Variants in LDAH observed in about 807,000 individuals in gnomAD.
LDAH encodes the protein lipid droplet-associated hydrolase.
In LDAH, 26 loss-of-function variants were observed where a neutral mutation model predicts 29.6. That is an observed-to-expected ratio of 0.88 (90% CI 0.64 to 1.22). LDAH has a LOEUF of 1.22. LDAH is among the 50% of genes most tolerant of loss of function. LDAH has a pLI of 0.00. For missense variants in LDAH, 344 were observed against 387.3 expected (o/e 0.89, Z 0.94); for synonymous variants, 117 against 133.0 (o/e 0.88, Z 0.83).
chr2:20,693,369 T>A (rs1335641692), intron 6 of LDAH, among the ~76,000 whole-genome samples: 1 of 152,254 alleles, frequency 6.6e-6, no homozygotes, highest in Non-Finnish European at 1.5e-5. Context: ...AAGTTGTTTT[T>A]GACATAGGCT....
At chr2:20,697,245 G>C (rs868599068) in intron 6 of LDAH, among the ~76,000 whole-genome samples, 5 of 152,104 alleles carry the variant, frequency 3.3e-5, no homozygotes, top group Non-Finnish European at 7.4e-5. Flanking sequence ...CAGATACAAA[G>C]AAATAATCTT....
At position 20,790,680 on chromosome 2, in the gene LDAH, T is replaced by C. The variant is rs560386496; in HGVS notation, c.155-282A>G. Among the ~76,000 whole-genome samples, 9 of 152,258 alleles carry C rather than the reference T, an allele frequency of 5.9e-5. No homozygotes were observed. In the South Asian group the frequency reaches 1.9e-3, roughly 32 times the overall value. ...GGTCATGCTCAGTTAACAAGATGCA[T>C]GAAAACCAGAAAAACAAGCCAGCCA... is the stretch of plus-strand genomic sequence containing the variant. On this transcript the variant is annotated intron_variant, in intron 2 of 6. Transcript: ENST00000237822.
In LDAH at chr2:20,758,626, G is replaced by A. The variant is rs146319216; in HGVS notation, c.468+16184C>T. 5.7e-3 allele frequency among the ~76,000 whole-genome samples: 864 copies of A among 152,262 alleles called. 8 individuals carry two copies. The highest frequency in any genetic ancestry group is 0.02 in the African/African-American group (825 of 41,560). ...ATAGGGTAGAATATAGAAGAATTAT[G>A]AGAAAAAGTGTTACCAAAGGAAGGA... is the stretch of plus-strand genomic sequence containing the variant. On this transcript the variant is annotated intron_variant, in intron 4 of 6. Transcript: ENST00000237822.
chr2:20,793,673 A>C (rs1020492028), intron 2 of LDAH, among the ~76,000 whole-genome samples: 4 of 152,214 alleles, frequency 2.6e-5, no homozygotes, highest in African/African-American at 9.6e-5. Context: ...GGGTTAAGGC[A>C]TAATCAGATT....
intron 3 of LDAH, among the ~76,000 whole-genome samples, chr2:20,783,364 T>C (rs1227627374): frequency 6.6e-6 from 1 of 152,214 alleles, no homozygotes; most frequent in Non-Finnish European, 1.5e-5. Flanking sequence ...ATATCTTTAC[T>C]GCCTTTCTGT....
At chr2:20,756,771 G>GA (rs1000202200) in intron 4 of LDAH, among the ~76,000 whole-genome samples, 4 of 151,978 alleles carry the variant, frequency 2.6e-5, no homozygotes, top group African/African-American at 4.8e-5. Context: ...AACAAGTAGA[G>GA]AAAAAAATAC....
intron 4 of LDAH, among the ~76,000 whole-genome samples, chr2:20,750,586 T>C (rs1572543812): frequency 6.6e-6 from 1 of 152,354 alleles, no homozygotes; most frequent in East Asian, 1.9e-4. Flanking sequence ...ATATTTCCAA[T>C]TGATAGAACT....
chr2:20,687,859 T>G (rs1558374404), intron 6 of LDAH, among the ~76,000 whole-genome samples: 1 of 152,230 alleles, frequency 6.6e-6, no homozygotes, highest in African/African-American at 2.4e-5. Context: ...CAAAGCAACA[T>G]CTTATATTCA....
chr2:20,763,530 T>C (rs1355260664), intron 4 of LDAH, among the ~76,000 whole-genome samples: 1 of 152,244 alleles, frequency 6.6e-6, no homozygotes, highest in Non-Finnish European at 1.5e-5. Context: ...TGTTGGCTTA[T>C]TCAAATTAGT....
intron 5 of LDAH, among the ~76,000 whole-genome samples, chr2:20,707,587 T>G (rs562370023): frequency 6.6e-6 from 1 of 152,288 alleles, no homozygotes; most frequent in East Asian, 1.9e-4. Flanking sequence ...GAGAGAACGC[T>G]CCAGAGATCT....
intron 4 of LDAH, among the ~76,000 whole-genome samples, chr2:20,745,753 T>C (rs1257249316): frequency 6.6e-6 from 1 of 152,236 alleles, no homozygotes; most frequent in Non-Finnish European, 1.5e-5. Flanking sequence ...ACATGATTTA[T>C]AATAAATGAT....
chr2:20,779,438 G>A (rs116161799), intron 3 of LDAH, among the ~76,000 whole-genome samples: 4,751 of 151,852 alleles, frequency 0.031, 126 homozygotes, highest in Non-Finnish European at 0.049. Context: ...TGTAACAAAC[G>A]TGTACATTCT....
chr2:20,769,321 T>G (rs1669253395), intron 4 of LDAH, among the ~76,000 whole-genome samples: 2 of 152,344 alleles, frequency 1.3e-5, no homozygotes, highest in Admixed American at 1.3e-4. Context: ...TGCCTCATTT[T>G]GCCTTCCGTG....
At chr2:20,721,422 C>G (rs1263607116) in intron 5 of LDAH, among the ~76,000 whole-genome samples, 1 of 152,044 alleles carries the variant, frequency 6.6e-6, no homozygotes, top group Admixed American at 6.5e-5. Flanking sequence ...ACCAAGACTA[C>G]AAATTAAGTT....
rs370031899 is a variant in LDAH, at chr2:20,705,435, C to G, written c.704-3783G>C. ...CCCATTCACTGTTTGGACTTACCAA[C>G]TTTCTTTCTGGAAAATTTTCTTTTA... On this transcript the variant is annotated intron_variant, in intron 5 of 6. Transcript: ENST00000237822. Among the ~76,000 whole-genome samples the G allele has an allele frequency of 1.5e-3, 226 of 152,270 alleles. 4 individuals are homozygous for G. In the South Asian group the frequency reaches 0.043, roughly 29 times the overall value.
chr2:20,790,332 C>G lies in LDAH; in HGVS notation c.221G>C (p.Arg74Pro). 1 of 1,614,064 alleles carries G rather than the reference C, an allele frequency of 6.2e-7. No individual in the cohort carries two copies. The highest frequency in any genetic ancestry group is 8.5e-7 in the Non-Finnish European group (1 of 1,179,922). ...AKALYSLTNR[R>P]FPVWTISHAG... ...ATGACTGATAGTCCAAACTGGAAAG[C>G]GTCTGTTTGTCAAAGAGTATAAAGC... is the stretch of plus-strand genomic sequence containing the variant. The change falls in exon 3 of 7, where the codon CGC becomes CCC. Residue 74 changes from arginine (R) to proline (P), a missense_variant. Physicochemically the swap from Arg to Pro is moderately radical, Grantham distance 103. Coordinates refer to ENST00000237822, the MANE Select transcript of LDAH (RefSeq NM_021925.4).
intron 5 of LDAH, among the ~76,000 whole-genome samples, chr2:20,719,811 A>C (rs1665515001): frequency 6.6e-6 from 1 of 152,168 alleles, no homozygotes; most frequent in Admixed American, 6.5e-5. Flanking sequence ...AGGATGGTTC[A>C]GCATACACAA....
At chr2:20,717,149 A>C (rs1468676033) in intron 5 of LDAH, among the ~76,000 whole-genome samples, 1 of 152,214 alleles carries the variant, frequency 6.6e-6, no homozygotes, top group African/African-American at 2.4e-5. Context: ...AAAAGAATTA[A>C]ATTTCTAGAA....
chr2:20,703,810 C>T (rs1664128167), intron 5 of LDAH, among the ~76,000 whole-genome samples: 1 of 152,196 alleles, frequency 6.6e-6, no homozygotes, highest in Admixed American at 6.5e-5. Flanking sequence ...AGTTAATTAA[C>T]TCATTCATTT....
Sources: allele counts gnomAD v4.1 joint callset (sites outside exome capture counted in the v4.1 genomes callset), GRCh38; gene constraint gnomAD v4.1.1; transcripts MANE v1.5; gene names NCBI Gene and HGNC (gene_info 2026-07-23, HGNC 2026-07-21).